Variants in BORCS5 observed in about 807,000 individuals in gnomAD.
BORCS5 encodes the protein BLOC-1 related complex subunit 5.
BORCS5 carries 17 observed loss-of-function variants against 22.1 expected under a neutral mutation model. The ratio of observed to expected loss-of-function variants is 0.77; its 90% CI spans 0.53 to 1.15. The LOEUF (loss-of-function observed/expected upper bound fraction) is 1.15, where lower values mean the gene tolerates loss of function less well. BORCS5 is among the 50% of genes most tolerant of loss of function. The pLI, the probability that BORCS5 is intolerant of heterozygous loss-of-function variation, is 0.00. For synonymous variants in BORCS5, 117 were observed against 99.8 expected, an observed-to-expected ratio of 1.17 and a Z score of -1.03; for missense variants, 247 against 253.2, an observed-to-expected ratio of 0.98 and a Z score of 0.17.
intron 2 of BORCS5, among the ~76,000 whole-genome samples, chr12:12,419,636 G>C: frequency 6.6e-6 from 1 of 152,160 alleles, no homozygotes; most frequent in Admixed American, 6.6e-5. Context: ...TTCCACAATG[G>C]TTGGACTAAA....
chr12:12,374,280 C>T (rs1042817252), intron 2 of BORCS5, among the ~76,000 whole-genome samples: 6 of 151,812 alleles, frequency 4.0e-5, no homozygotes, highest in East Asian at 1.9e-4. Context: ...TGTGAGCCAC[C>T]GCACCCGGCC....
At chr12:12,437,182 A>C (rs1260968548) in intron 3 of BORCS5, among the ~76,000 whole-genome samples, 2 of 152,318 alleles carry the variant, frequency 1.3e-5, no homozygotes, top group South Asian at 4.1e-4. Context: ...TCATGGGGGC[A>C]GGTCTTTCCC....
intron 2 of BORCS5, among the ~76,000 whole-genome samples, chr12:12,373,821 C>T (rs563664581): frequency 5.3e-5 from 8 of 152,086 alleles, no homozygotes; most frequent in Non-Finnish European, 1.2e-4. Flanking sequence ...ATTAGTAACA[C>T]TGGCCACATG....
chr12:12,442,525 G>A (rs961392953), intron 3 of BORCS5, among the ~76,000 whole-genome samples: 2 of 152,224 alleles, frequency 1.3e-5, no homozygotes, highest in Non-Finnish European at 2.9e-5. Flanking sequence ...AGGGGGTTCA[G>A]ATGAACTGGT....
intron 2 of BORCS5, among the ~76,000 whole-genome samples, chr12:12,420,348 A>T (rs1021089453): frequency 1.3e-5 from 2 of 152,174 alleles, no homozygotes; most frequent in African/African-American, 4.8e-5. Context: ...CAAAAATCAG[A>T]TGGTTGTAGA....
At chr12:12,432,675 G>A (rs956003450) in intron 2 of BORCS5, among the ~76,000 whole-genome samples, 1 of 152,010 alleles carries the variant, frequency 6.6e-6, no homozygotes, top group African/African-American at 2.4e-5. Flanking sequence ...TATATACCAT[G>A]GAATACTACT....
chr12:12,428,339 A>G (rs185477781), intron 2 of BORCS5, among the ~76,000 whole-genome samples: 23 of 152,304 alleles, frequency 1.5e-4, no homozygotes, highest in Non-Finnish European at 2.8e-4. Context: ...ATTTTACACA[A>G]AGAGGTAGGT....
In BORCS5 at chr12:12,391,607, C is replaced by T. The variant is rs530134252; in HGVS notation, c.202+30258C>T. Among the ~76,000 whole-genome samples, 24 of 150,488 alleles carry T rather than the reference C, an allele frequency of 1.6e-4. 1 individual carries two copies. The highest frequency in any genetic ancestry group is 5.9e-4 in the African/African-American group (24 of 40,940). On this transcript the variant is annotated intron_variant, in intron 2 of 3. Coordinates refer to ENST00000314565, the MANE Select transcript of BORCS5 (RefSeq NM_058169.6). ...TTCACCATGTTGGCCAGGCTGGTCTCGAACTCCTGACCTCAAATGATGCGC... is the reference window on the plus strand; with the variant it reads ...TTCACCATGTTGGCCAGGCTGGTCTTGAACTCCTGACCTCAAATGATGCGC...
chr12:12,402,052 C>T lies in BORCS5; in HGVS notation c.203-33576C>T, dbSNP rs193068575. Among the ~76,000 whole-genome samples the T allele has an allele frequency of 1.6e-4, 22 of 134,228 alleles. No individual in the cohort carries two copies. In the East Asian group the frequency reaches 2.1e-3, roughly 13 times the overall value. The allele number at this position is 134,228 out of a possible 152,430, so 88.1% of individuals were successfully genotyped here. A position where few individuals can be genotyped will look rare whatever the true frequency, so the allele number is the denominator to read the frequency against. On this transcript the variant is annotated intron_variant, in intron 2 of 3. Coordinates refer to ENST00000314565, the MANE Select transcript of BORCS5 (RefSeq NM_058169.6). ...CTGCACTTCAGCCTGGGCTACAGAG[C>T]GAGACTCCGTCTCAAAAAAAAAAAA...
chr12:12,459,366 A>G (rs1023948827), intron 3 of BORCS5, among the ~76,000 whole-genome samples: 1 of 150,950 alleles, frequency 6.6e-6, no homozygotes, highest in African/African-American at 2.4e-5. Context: ...GCTGGAGTGC[A>G]ATGGCATAAT....
chr12:12,434,738 G>T (rs1942517681), intron 2 of BORCS5, among the ~76,000 whole-genome samples: 1 of 152,118 alleles, frequency 6.6e-6, no homozygotes, highest in Admixed American at 6.6e-5. Flanking sequence ...ATATTTAAAT[G>T]ATTTAATATT....
intron 3 of BORCS5, among the ~76,000 whole-genome samples, chr12:12,442,904 G>GT (rs1449138419): frequency 7.9e-5 from 12 of 152,210 alleles, no homozygotes; most frequent in African/African-American, 2.7e-4. Flanking sequence ...GTACCGTAAT[G>GT]TTTAAGACCC....
chr12:12,380,201 T>A (rs1172511710), intron 2 of BORCS5, among the ~76,000 whole-genome samples: 2 of 151,140 alleles, frequency 1.3e-5, no homozygotes. Context: ...ATGACAGATA[T>A]CATAATAATG....
intron 3 of BORCS5, among the ~76,000 whole-genome samples, chr12:12,461,089 C>A (rs1209688681): frequency 6.6e-6 from 1 of 151,752 alleles, no homozygotes; most frequent in African/African-American, 2.4e-5. Context: ...GTATATGAAT[C>A]TGTAGGGCAA....
At chr12:12,401,184 G>A (rs2136072767) in intron 2 of BORCS5, among the ~76,000 whole-genome samples, 1 of 152,178 alleles carries the variant, frequency 6.6e-6, no homozygotes, top group African/African-American at 2.4e-5. Context: ...GGAACAAATT[G>A]CTGTCTAGTA....
At chr12:12,423,438 CTTTTT>C (rs939681383) in intron 2 of BORCS5, among the ~76,000 whole-genome samples, 2 of 57,254 alleles carry the variant, frequency 3.5e-5, no homozygotes, top group Non-Finnish European at 6.7e-5. Context: ...ACTCCCTCAG[CTTTTT>C]TTTTTTTTTT....
intron 2 of BORCS5, among the ~76,000 whole-genome samples, chr12:12,419,052 A>T (rs1308031362): frequency 6.6e-6 from 1 of 151,588 alleles, no homozygotes; most frequent in East Asian, 1.9e-4. Context: ...TTCTTTTTTT[A>T]AAATTATTAT....
intron 2 of BORCS5, among the ~76,000 whole-genome samples, chr12:12,418,497 C>T (rs1251934513): frequency 6.6e-6 from 1 of 152,050 alleles, no homozygotes; most frequent in Non-Finnish European, 1.5e-5. Flanking sequence ...CTAGCCTGGG[C>T]AACATAGTTA....
At chr12:12,428,585 A>T (rs1447985274) in intron 2 of BORCS5, among the ~76,000 whole-genome samples, 1 of 152,140 alleles carries the variant, frequency 6.6e-6, no homozygotes, top group Non-Finnish European at 1.5e-5. Context: ...AGAAGTAGAA[A>T]ACTGAAGGCA....
Sources: allele counts gnomAD v4.1 joint callset (sites outside exome capture counted in the v4.1 genomes callset), GRCh38; gene constraint gnomAD v4.1.1; transcripts MANE v1.5; gene names NCBI Gene and HGNC (gene_info 2026-07-23, HGNC 2026-07-21).